PDZD2: variants seen among roughly 807,000 people sequenced by gnomAD.
PDZD2 encodes PDZ domain containing 2, also known as PDZ domain-containing protein 2.
In PDZD2, 90 loss-of-function variants were observed where a neutral mutation model predicts 220.7. The ratio of observed to expected loss-of-function variants is 0.41; its 90% confidence interval spans 0.34 to 0.49. PDZD2 has a LOEUF of 0.49. PDZD2 is among the 20% of genes least tolerant of loss of function. PDZD2 has a pLI of 0.28. For missense variants in PDZD2, 3,174 were observed against 3,608.5 expected, an observed-to-expected ratio of 0.88 and a Z score of 3.08; for synonymous variants, 1,375 against 1,450.5, an observed-to-expected ratio of 0.95 and a Z score of 1.18.
intron 1 of PDZD2, among the ~76,000 whole-genome samples, chr5:31,704,194 G>A (rs572889045): frequency 2.0e-5 from 3 of 152,020 alleles, no homozygotes; most frequent in Non-Finnish European, 2.9e-5. Flanking sequence ...TGTATTTTTG[G>A]TAGAGACAGG....
intron 1 of PDZD2, among the ~76,000 whole-genome samples, chr5:31,783,480 A>G (rs928198236): frequency 3.3e-5 from 5 of 152,164 alleles, no homozygotes; most frequent in African/African-American, 1.2e-4. Flanking sequence ...AGTTGAGAAC[A>G]AGTCTTCGGT....
At chr5:31,954,755 C>T (rs563945195) in intron 2 of PDZD2, among the ~76,000 whole-genome samples, 20 of 152,146 alleles carry the variant, frequency 1.3e-4, no homozygotes, top group Admixed American at 3.3e-4. Flanking sequence ...GGTGAAACCC[C>T]GTCTCTACTA....
intron 1 of PDZD2, among the ~76,000 whole-genome samples, chr5:31,699,854 C>A (rs902904011): frequency 1.3e-5 from 2 of 149,798 alleles, no homozygotes; most frequent in Admixed American, 6.7e-5. Flanking sequence ...TGGTCTCAAA[C>A]TCCTGGTATT....
At chr5:31,975,013 C>T (rs756382881) in intron 2 of PDZD2, among the ~76,000 whole-genome samples, 3 of 152,212 alleles carry the variant, frequency 2.0e-5, no homozygotes, top group South Asian at 2.1e-4. Flanking sequence ...AAAAAAATCT[C>T]GAATAAATAT....
At chr5:31,690,441 A>G (rs941980257) in intron 1 of PDZD2, among the ~76,000 whole-genome samples, 2 of 152,148 alleles carry the variant, frequency 1.3e-5, no homozygotes, top group Admixed American at 6.5e-5. Flanking sequence ...ACAAATTTCC[A>G]TAAACTGGGC....
At chr5:31,671,648 C>G (rs1249091074) in intron 1 of PDZD2, among the ~76,000 whole-genome samples, 2 of 152,176 alleles carry the variant, frequency 1.3e-5, no homozygotes. Context: ...GGCAAGTGGC[C>G]AGCCTGGCTG....
intron 3 of PDZD2, among the ~76,000 whole-genome samples, chr5:31,993,219 AATAGAG>A (rs944821932): frequency 5.3e-5 from 8 of 152,178 alleles, no homozygotes; most frequent in Non-Finnish European, 7.3e-5. Flanking sequence ...GATTGGATGA[AATAGAG>A]ATCATTGACA....
At chr5:31,836,726 T>C (rs915704543) in intron 2 of PDZD2, among the ~76,000 whole-genome samples, 1 of 152,072 alleles carries the variant, frequency 6.6e-6, no homozygotes, top group African/African-American at 2.4e-5. Context: ...ATTAGTAAAA[T>C]AAATTATGTA....
intron 2 of PDZD2, among the ~76,000 whole-genome samples, chr5:31,976,983 T>C (rs1749843599): frequency 6.6e-6 from 1 of 151,508 alleles, no homozygotes; most frequent in Admixed American, 6.6e-5. Flanking sequence ...CCTGAAGTGC[T>C]GGAATTACAT....
At chr5:31,952,306 A>G (rs879707460) in intron 2 of PDZD2, among the ~76,000 whole-genome samples, 13 of 152,212 alleles carry the variant, frequency 8.5e-5, no homozygotes, top group Non-Finnish European at 1.8e-4. Context: ...TGAAATAATT[A>G]TGTGATGGGA....
intron 2 of PDZD2, among the ~76,000 whole-genome samples, chr5:31,909,886 G>C (rs1743015979): frequency 6.6e-6 from 1 of 152,214 alleles, no homozygotes; most frequent in African/African-American, 2.4e-5. Context: ...TTATATTCAT[G>C]TACGGTGCTG....
intron 2 of PDZD2, among the ~76,000 whole-genome samples, chr5:31,956,559 A>G (rs570604061): frequency 3.5e-5 from 5 of 142,854 alleles, no homozygotes; most frequent in African/African-American, 7.6e-5. Flanking sequence ...AAAAAAAAAA[A>G]TAAATAAAAT....
At chr5:31,933,395 C>T (rs192990252) in intron 2 of PDZD2, among the ~76,000 whole-genome samples, 113 of 152,208 alleles carry the variant, frequency 7.4e-4, no homozygotes, top group African/African-American at 1.6e-3. Context: ...CTACAAATAT[C>T]GAGGGTGTGA....
chr5:31,862,199 G>C (rs1015020716), intron 2 of PDZD2, among the ~76,000 whole-genome samples: 1 of 144,050 alleles, frequency 6.9e-6, no homozygotes, highest in African/African-American at 2.6e-5. Flanking sequence ...TCCACCCCAG[G>C]GTTCCAACGA....
chr5:31,871,609 C>T (rs1738802580), intron 2 of PDZD2, among the ~76,000 whole-genome samples: 1 of 152,096 alleles, frequency 6.6e-6, no homozygotes, highest in Non-Finnish European at 1.5e-5. Flanking sequence ...TGCCACCATG[C>T]CCGGCTAATT....
At position 32,074,269 on chromosome 5, in the gene PDZD2, T is replaced by C. The variant is rs1340775235; in HGVS notation, c.3163T>C (p.Tyr1055His). 6.2e-7 allele frequency: 1 copy of C among 1,614,118 alleles called. No homozygotes were observed. The highest frequency in any genetic ancestry group is 8.5e-7 in the Non-Finnish European group (1 of 1,179,976). The stretch of plus-strand genomic sequence containing the variant: ...AGAGGGCATGGTGGATGCTGCGTCC[T>C]ATGCAGCCAACCTCACGGACTCTGC... ...IPEGMVDAASYAANLTDSAEA... is the reference protein window; with the variant it reads ...IPEGMVDAASHAANLTDSAEA... The change falls in exon 18 of 25, where the codon TAT (tyrosine) becomes CAT (histidine). Residue 1055 changes from tyrosine to histidine, a missense_variant. Tyr to His is a moderately conservative substitution (Grantham distance 83). Coordinates refer to ENST00000438447, the MANE Select transcript of PDZD2 (RefSeq NM_178140.4).
intron 1 of PDZD2, among the ~76,000 whole-genome samples, chr5:31,738,943 T>G (rs1750074680): frequency 6.6e-6 from 1 of 152,032 alleles, no homozygotes; most frequent in African/African-American, 2.4e-5. Context: ...TGGAGTGCAG[T>G]GGCACCATCT....
intron 2 of PDZD2, among the ~76,000 whole-genome samples, chr5:31,856,908 C>CTATATATATATA (rs61675053): frequency 4.3e-5 from 6 of 140,626 alleles, no homozygotes; most frequent in African/African-American, 1.3e-4. Context: ...CTTATCAAAA[C>CTATATATATATA]TATATATATA....
intron 2 of PDZD2, among the ~76,000 whole-genome samples, chr5:31,802,819 C>A (rs1041611860): frequency 1.4e-5 from 2 of 147,704 alleles, no homozygotes; most frequent in Admixed American, 1.4e-4. Context: ...ACTTGGGAGG[C>A]TGAGGCAGGA....
Sources: allele counts gnomAD v4.1 joint callset (sites outside exome capture counted in the v4.1 genomes callset), GRCh38; gene constraint gnomAD v4.1.1; transcripts MANE v1.5; gene names NCBI Gene and HGNC (gene_info 2026-07-23, HGNC 2026-07-21).